Variants in MARCHF8 observed in about 807,000 individuals in gnomAD.
MARCHF8 encodes the protein E3 ubiquitin-protein ligase MARCHF8.
MARCHF8 carries 40 observed loss-of-function variants against 51.6 expected under a neutral mutation model. The observed-to-expected ratio is 0.77, with a 90% CI of 0.60 to 1.01. MARCHF8 has a LOEUF of 1.01. MARCHF8 is among the 50% of genes least tolerant of loss of function. The pLI is 0.00. For synonymous variants in MARCHF8, 263 were observed against 280.3 expected, an observed-to-expected ratio of 0.94 and a Z score of 0.62; for missense variants, 685 against 708.6, an observed-to-expected ratio of 0.97 and a Z score of 0.38.
intron 1 of MARCHF8, among the ~76,000 whole-genome samples, chr10:45,533,889 G>C (rs1272062600): frequency 2.0e-5 from 3 of 152,116 alleles, no homozygotes; most frequent in Non-Finnish European, 4.4e-5. Context: ...CACCCATAGA[G>C]AGCATGTAAA....
At chr10:45,491,015 C>T (rs2043071084) in intron 2 of MARCHF8, among the ~76,000 whole-genome samples, 1 of 152,088 alleles carries the variant, frequency 6.6e-6, no homozygotes, top group Non-Finnish European at 1.5e-5. Flanking sequence ...GTGATCCTCC[C>T]GCCTCAGCCT....
Position 45,457,824 on chromosome 10 carries a change from C to G in MARCHF8, c.*415G>C, listed in dbSNP as rs572336577. On this transcript the variant is annotated 3_prime_UTR_variant, in exon 8 of 8. Transcript: ENST00000453424. ...CGCCGTGATGCAGAGGGAATCTTCT[C>G]GTCATGGCTAGACACTCCCCAATGC... 1.2e-5 allele frequency: 2 copies of G among 167,654 alleles called. No homozygotes were observed. The highest frequency in any genetic ancestry group is 1.3e-5 in the Non-Finnish European group (1 of 79,104). 10.4% of individuals were successfully genotyped at this position (167,654 alleles called of 1,614,324 possible).
At chr10:45,466,921 G>A (rs1842988137) in intron 3 of MARCHF8, among the ~76,000 whole-genome samples, 1 of 152,162 alleles carries the variant, frequency 6.6e-6, no homozygotes, top group Non-Finnish European at 1.5e-5. Context: ...AACAAAGCCT[G>A]GATCAAGGAA....
At chr10:45,574,995 G>A (rs926156520) in intron 1 of MARCHF8, among the ~76,000 whole-genome samples, 1 of 151,210 alleles carries the variant, frequency 6.6e-6, no homozygotes, top group Non-Finnish European at 1.5e-5. Context: ...TCCTCACTAT[G>A]CAAGGGTCCT....
At chr10:45,501,923 A>C (rs1322699574) in intron 2 of MARCHF8, among the ~76,000 whole-genome samples, 2 of 152,182 alleles carry the variant, frequency 1.3e-5, no homozygotes, top group Non-Finnish European at 2.9e-5. Flanking sequence ...TGAAAGTAAA[A>C]TCACAATGAG....
chr10:45,461,304 C>T lies in MARCHF8; in HGVS notation c.1196G>A (p.Ser399Asn). The change falls in exon 6 of 8, where the codon AGC becomes AAC. Residue 399 changes from serine to asparagine, a missense_variant. Physicochemically the swap from Ser to Asn is conservative, Grantham distance 46. Coordinates refer to ENST00000453424, the MANE Select transcript of MARCHF8 (RefSeq NM_001282866.2). Reference sequence around the variant, plus strand: ...GAGCTCGCAGCAGCGCGTGTCGGAGCTCTTGATCCACTGCTGCAGGCAGGC... The same window carrying T: ...GAGCTCGCAGCAGCGCGTGTCGGAGTTCTTGATCCACTGCTGCAGGCAGGC... ...HQACLQQWIK[S>N]SDTRCCELCK... 1 of 1,605,858 alleles carries T rather than the reference C, an allele frequency of 6.2e-7. No individual in the cohort carries two copies. The highest frequency in any genetic ancestry group is 8.5e-7 in the Non-Finnish European group (1 of 1,176,596).
chr10:45,556,973 T>C (rs2044258373), intron 1 of MARCHF8, among the ~76,000 whole-genome samples: 1 of 152,140 alleles, frequency 6.6e-6, no homozygotes, highest in Admixed American at 6.5e-5. Context: ...ACACAAAACA[T>C]AAAATTTATC....
At chr10:45,511,408 G>GT (rs2043500185) in intron 2 of MARCHF8, among the ~76,000 whole-genome samples, 1 of 151,630 alleles carries the variant, frequency 6.6e-6, no homozygotes, top group African/African-American at 2.4e-5. Flanking sequence ...TCTCCCCACG[G>GT]CCCACGGTCT....
At chr10:45,534,562 C>T (rs570956043) in intron 1 of MARCHF8, among the ~76,000 whole-genome samples, 3 of 152,230 alleles carry the variant, frequency 2.0e-5, no homozygotes, top group African/African-American at 4.8e-5. Context: ...ACCAATTAAA[C>T]GTAAATTATC....
chr10:45,581,994 T>C (rs1399453693), intron 1 of MARCHF8, among the ~76,000 whole-genome samples: 1 of 151,928 alleles, frequency 6.6e-6, no homozygotes, highest in Non-Finnish European at 1.5e-5. Context: ...ATCATTATTA[T>C]AATTTGGTTA....
At chr10:45,487,787 A>G (rs1039018566) in intron 3 of MARCHF8, among the ~76,000 whole-genome samples, 8 of 152,218 alleles carry the variant, frequency 5.3e-5, no homozygotes, top group African/African-American at 1.9e-4. Context: ...AAATAAGGTG[A>G]CCTGAATGAA....
At chr10:45,508,493 G>A (rs561726307) in intron 2 of MARCHF8, among the ~76,000 whole-genome samples, 41 of 152,246 alleles carry the variant, frequency 2.7e-4, no homozygotes, top group Admixed American at 1.0e-3. Flanking sequence ...CTGTATAGCT[G>A]TTATCACTCT....
At chr10:45,568,747 A>G (rs1193939746) in intron 1 of MARCHF8, among the ~76,000 whole-genome samples, 1 of 146,592 alleles carries the variant, frequency 6.8e-6, no homozygotes, top group African/African-American at 2.5e-5. Context: ...AACCACTAAC[A>G]CTAATGATAG....
intron 1 of MARCHF8, among the ~76,000 whole-genome samples, chr10:45,565,107 A>G (rs990668184): frequency 2.0e-5 from 3 of 152,134 alleles, no homozygotes; most frequent in African/African-American, 7.2e-5. Context: ...AAGCAATAAC[A>G]ACACTGTATC....
intron 2 of MARCHF8, among the ~76,000 whole-genome samples, chr10:45,504,621 C>G (rs1217725651): frequency 6.6e-6 from 1 of 152,150 alleles, no homozygotes; most frequent in Non-Finnish European, 1.5e-5. Context: ...TGAATGGACA[C>G]TCACTCAGAA....
chr10:45,541,287 G>A (rs1309664669), intron 1 of MARCHF8, among the ~76,000 whole-genome samples: 22 of 152,278 alleles, frequency 1.4e-4, no homozygotes, highest in Non-Finnish European at 2.2e-4. Flanking sequence ...GGATGAAGCT[G>A]GAAACCATCA....
chr10:45,517,266 T>C (rs1027153076), intron 2 of MARCHF8, among the ~76,000 whole-genome samples: 1 of 152,192 alleles, frequency 6.6e-6, no homozygotes, highest in Non-Finnish European at 1.5e-5. Context: ...ATCCCAAGAA[T>C]AGTAATATGA....
chr10:45,460,504 T>C (rs571265691), intron 6 of MARCHF8, among the ~76,000 whole-genome samples: 1 of 152,386 alleles, frequency 6.6e-6, no homozygotes, highest in South Asian at 2.1e-4. Context: ...TATTTGATTA[T>C]GTGACTTATC....
intron 7 of MARCHF8, 24 bp downstream of exon 7, chr10:45,459,096 G>A: frequency 1.9e-6 from 3 of 1,613,488 alleles, no homozygotes; most frequent in Non-Finnish European, 2.5e-6. Flanking sequence ...CCCATGCTGA[G>A]CTTGCTCCAG....
Sources: gnomAD v4.1 joint callset for allele counts (sites outside exome capture counted in the v4.1 genomes callset) on GRCh38, gnomAD v4.1.1 for gene constraint, MANE v1.5 for transcripts, NCBI Gene and HGNC (gene_info 2026-07-23, HGNC 2026-07-21) for gene names.